Variants in TRPS1 observed in about 807,000 individuals in gnomAD.
TRPS1 encodes transcriptional repressor GATA binding 1, also known as zinc finger transcription factor Trps1.
Under a neutral mutation model 101.2 loss-of-function variants are expected in TRPS1, and 6 were observed. The ratio of observed to expected loss-of-function variants is 0.06; its 90% CI spans 0.03 to 0.12. The LOEUF is 0.12. Ranked by LOEUF, TRPS1 falls within the 10% of genes least tolerant of loss-of-function variation. The pLI, the probability that TRPS1 is intolerant of heterozygous loss-of-function variation, is 1.00. For synonymous variants in TRPS1, 578 were observed against 589.8 expected, an observed-to-expected ratio of 0.98 and a Z score of 0.29; for missense variants, 1,363 against 1,567.0, an observed-to-expected ratio of 0.87 and a Z score of 2.20.
chr8:115,599,717 C>G (rs1308477558), intron 4 of TRPS1, among the ~76,000 whole-genome samples: 1 of 152,158 alleles, frequency 6.6e-6, no homozygotes, highest in African/African-American at 2.4e-5. Flanking sequence ...ATATGTGCCA[C>G]ATTTTCTTTA....
chr8:115,461,038 T>C (rs138210587), intron 5 of TRPS1, among the ~76,000 whole-genome samples: 1 of 152,090 alleles, frequency 6.6e-6, no homozygotes, highest in Non-Finnish European at 1.5e-5. Context: ...GGTTTCACAG[T>C]CTCACAAACA....
In TRPS1 at chr8:115,411,591, A is replaced by G. The variant is rs1346162554; in HGVS notation, c.*2432T>C. ...TGTCACCTCTCAAGTCTGGCTATAC[A>G]TTTTGAGATGCATCCATCAAAATTC... On this transcript the variant is annotated 3_prime_UTR_variant, in exon 7 of 7. Transcript: ENST00000395715. The G allele has an allele frequency of 6.6e-6, 1 of 152,500 alleles. No homozygotes were observed. Among genetic ancestry groups the G allele is most frequent in the Non-Finnish European group, 1.5e-5 (1 of 67,996 alleles). 9.4% of individuals were successfully genotyped at this position (152,500 alleles called of 1,614,324 possible). A position where few individuals can be genotyped will look rare whatever the true frequency, so the allele number is the denominator to read the frequency against.
At chr8:115,517,433 A>G (rs566916215) in intron 5 of TRPS1, among the ~76,000 whole-genome samples, 3 of 151,532 alleles carry the variant, frequency 2.0e-5, no homozygotes, top group Non-Finnish European at 4.4e-5. Context: ...TTTATACAAC[A>G]GTTATTATTA....
In TRPS1 at chr8:115,414,989, A is replaced by G. The variant is rs1812881802; in HGVS notation, c.2919T>C (p.Ala973=). 1 of 1,578,090 alleles carries G rather than the reference A, an allele frequency of 6.3e-7. No homozygotes were observed. Among genetic ancestry groups the G allele is most frequent in the Non-Finnish European group, 8.6e-7 (1 of 1,166,606 alleles). ...RKRLNPEALQ[A]EQLNKQQRGS... ...CCCTCTGCTGTTTGTTGAGCTGCTCAGCCTGAAGTGCCTCTGGGTTAAGGC... is the reference window on the plus strand; with the variant it reads ...CCCTCTGCTGTTTGTTGAGCTGCTCGGCCTGAAGTGCCTCTGGGTTAAGGC... The change falls in exon 7 of 7, where the codon GCT becomes GCC. Residue 973 remains alanine, a synonymous_variant. Coordinates refer to ENST00000395715, the MANE Select transcript of TRPS1 (RefSeq NM_014112.5). The surrounding 1 kb of genome is among the most constrained non-coding windows in gnomAD (Gnocchi z 4.8).
chr8:115,578,693 TATAC>T (rs1817376390), intron 5 of TRPS1, among the ~76,000 whole-genome samples: 1 of 152,064 alleles, frequency 6.6e-6, no homozygotes, highest in African/African-American at 2.4e-5. Flanking sequence ...TATATTTAAA[TATAC>T]ATAAAGGATA....
intron 5 of TRPS1, among the ~76,000 whole-genome samples, chr8:115,487,917 G>C (rs372682060): frequency 2.0e-5 from 3 of 152,302 alleles, no homozygotes; most frequent in East Asian, 3.9e-4. Flanking sequence ...GTTTGAGAGG[G>C]TTGACTCCAA....
chr8:115,541,161 A>G (rs1364822653), intron 5 of TRPS1, among the ~76,000 whole-genome samples: 1 of 152,268 alleles, frequency 6.6e-6, no homozygotes, highest in East Asian at 1.9e-4. Context: ...AATGTATGTT[A>G]CATTAGAGAA....
intron 5 of TRPS1, among the ~76,000 whole-genome samples, chr8:115,457,266 T>TA (rs1409567880): frequency 6.6e-6 from 1 of 152,128 alleles, no homozygotes; most frequent in Non-Finnish European, 1.5e-5. Flanking sequence ...CAATAGAATA[T>TA]TATACAGCCT....
intron 5 of TRPS1, among the ~76,000 whole-genome samples, chr8:115,540,357 G>A (rs1335190175): frequency 6.6e-6 from 1 of 152,126 alleles, no homozygotes; most frequent in African/African-American, 2.4e-5. Flanking sequence ...CAAAACAAGC[G>A]ATGGATGACT....
chr8:115,617,250 T>C (rs970938671), intron 3 of TRPS1, among the ~76,000 whole-genome samples: 1 of 152,240 alleles, frequency 6.6e-6, no homozygotes, highest in Admixed American at 6.5e-5. Flanking sequence ...CTACCACTTT[T>C]TGTCTTCCTC....
At chr8:115,489,887 T>TA (rs1814977746) in intron 5 of TRPS1, among the ~76,000 whole-genome samples, 2 of 152,136 alleles carry the variant, frequency 1.3e-5, no homozygotes, top group Non-Finnish European at 2.9e-5. Flanking sequence ...CAATCCATCT[T>TA]AAACTTAATA....
At chr8:115,536,763 G>A (rs1816333641) in intron 5 of TRPS1, among the ~76,000 whole-genome samples, 1 of 150,980 alleles carries the variant, frequency 6.6e-6, no homozygotes, top group South Asian at 2.1e-4. Context: ...GGACTTCAGT[G>A]AGTACTTACT....
intron 5 of TRPS1, among the ~76,000 whole-genome samples, chr8:115,498,403 CTCTCTCTCTCTCTATATATA>C (rs1307501983): frequency 9.4e-4 from 80 of 84,804 alleles, no homozygotes; most frequent in African/African-American, 3.6e-3. Context: ...CTCTCTCTCT[CTCTCTCTCTCTCTATATATA>C]TATATATATA....
rs897310612 is a variant in TRPS1, at chr8:115,412,158, G to A, written c.*1865C>T. The A allele has an allele frequency of 6.6e-5, 10 of 151,644 alleles. No homozygotes were observed. The highest frequency in any genetic ancestry group is 6.6e-4 in the Admixed American group (10 of 15,182). 9.4% of individuals were successfully genotyped at this position (151,644 alleles called of 1,614,324 possible). On this transcript the variant is annotated 3_prime_UTR_variant, in exon 7 of 7. Coordinates refer to ENST00000395715, the MANE Select transcript of TRPS1 (RefSeq NM_014112.5). ...TGTTTATCATCTTAAGCATAACAATGTGAGTTAAGAGCTTAAAAATTAAAA... is the reference window on the plus strand; with the variant it reads ...TGTTTATCATCTTAAGCATAACAATATGAGTTAAGAGCTTAAAAATTAAAA...
chr8:115,558,784 C>A (rs965248077), intron 5 of TRPS1, among the ~76,000 whole-genome samples: 2 of 151,956 alleles, frequency 1.3e-5, no homozygotes, highest in African/African-American at 4.8e-5. Flanking sequence ...TAGAATCAAA[C>A]CTGCTAGATA....
At chr8:115,641,429 G>A (rs2721956) in intron 1 of TRPS1, among the ~76,000 whole-genome samples, 52,358 of 152,090 alleles carry the variant, frequency 0.34, 9,474 homozygotes, top group Admixed American at 0.43. Context: ...GGGCAGCAGC[G>A]TCTCTGTAGG....
intron 4 of TRPS1, among the ~76,000 whole-genome samples, chr8:115,603,044 T>A (rs901224563): frequency 1.3e-5 from 2 of 152,216 alleles, no homozygotes; most frequent in Non-Finnish European, 1.5e-5. Flanking sequence ...GTAAGTTCCA[T>A]GAGGGCACTG....
chr8:115,587,363 T>C lies in TRPS1; in HGVS notation c.2338A>G (p.Arg780Gly), dbSNP rs1177254626. Residue 780 changes from arginine to glycine, a missense_variant, in exon 5 of 7, where the codon AGA becomes GGA. Coordinates refer to ENST00000395715, the MANE Select transcript of TRPS1 (RefSeq NM_014112.5). ...CCGTCCTTCTCTTCCAGCTTCTCTCTCTTCACCACACTCTCAGAAACTGGC... is the reference window on the plus strand; with the variant it reads ...CCGTCCTTCTCTTCCAGCTTCTCTCCCTTCACCACACTCTCAGAAACTGGC... ...GEPVSESVVK[R>G]EKLEEKDGLK... is the part of the protein sequence containing the mutation. The C allele has an allele frequency of 6.2e-7, 1 of 1,614,214 alleles. No homozygotes were observed. Among genetic ancestry groups the C allele is most frequent in the Non-Finnish European group, 8.5e-7 (1 of 1,180,012 alleles).
chr8:115,637,040 T>C (rs1305789826), intron 1 of TRPS1, among the ~76,000 whole-genome samples: 7 of 152,072 alleles, frequency 4.6e-5, no homozygotes, highest in Admixed American at 4.6e-4. Context: ...ATAACCAACG[T>C]GGTCAATGGC....
Sources: allele counts gnomAD v4.1 joint callset (sites outside exome capture counted in the v4.1 genomes callset), GRCh38; gene constraint gnomAD v4.1.1; non-coding constraint Gnocchi (gnomAD v3.1); transcripts MANE v1.5; gene names NCBI Gene and HGNC (gene_info 2026-07-23, HGNC 2026-07-21).